The following CSMD3 variants were observed in gnomAD, a reference collection of about 807,000 sequenced individuals.
The protein encoded by CSMD3 is CUB and sushi domain-containing protein 3.
CSMD3 carries 177 observed loss-of-function variants against 435.2 expected under a neutral mutation model. The ratio of observed to expected loss-of-function variants is 0.41; its 90% CI spans 0.36 to 0.46. The LOEUF (loss-of-function observed/expected upper bound fraction) is 0.46. Ranked by LOEUF, CSMD3 falls within the 20% of genes least tolerant of loss-of-function variation. The pLI, the probability that CSMD3 is intolerant of heterozygous loss-of-function variation, is 0.34. For synonymous variants in CSMD3, 1,656 were observed against 1,520.5 expected (o/e 1.09, Z -2.07); for missense variants, 4,265 against 4,504.6 (o/e 0.95, Z 1.52).
intron 2 of CSMD3, among the ~76,000 whole-genome samples, chr8:113,302,217 TATATA>T (rs1280586256): frequency 3.3e-4 from 26 of 79,000 alleles, no homozygotes; most frequent in East Asian, 8.7e-4. Context: ...CTCACCTGTA[TATATA>T]ATATAATATA....
chr8:112,335,293 T>C, intron 45 of CSMD3, 36 bp downstream of exon 45: 2 of 1,598,598 alleles, frequency 1.3e-6, no homozygotes, highest in East Asian at 4.5e-5. Flanking sequence ...AATTAAACAG[T>C]AGCAAATGAA....
chr8:112,242,984 G>A (rs541816523), intron 65 of CSMD3, among the ~76,000 whole-genome samples: 53 of 152,146 alleles, frequency 3.5e-4, no homozygotes, highest in Non-Finnish European at 6.9e-4. Flanking sequence ...TAAAGGAAAT[G>A]GAGAATGGAT....
At chr8:112,953,326 C>A (rs1396048586) in intron 8 of CSMD3, among the ~76,000 whole-genome samples, 1 of 151,204 alleles carries the variant, frequency 6.6e-6, no homozygotes, top group Non-Finnish European at 1.5e-5. Context: ...CTTTTTTTAT[C>A]ATAGAAAATA....
At chr8:112,380,932 A>G (rs1285379466) in intron 37 of CSMD3, among the ~76,000 whole-genome samples, 1 of 152,172 alleles carries the variant, frequency 6.6e-6, no homozygotes, top group Non-Finnish European at 1.5e-5. Context: ...ACTGTGTTAT[A>G]CCAGAGGCTT....
chr8:113,207,903 A>G (rs2092789634), intron 3 of CSMD3, among the ~76,000 whole-genome samples: 1 of 152,086 alleles, frequency 6.6e-6, no homozygotes, highest in African/African-American at 2.4e-5. Flanking sequence ...ATACCTCACA[A>G]CGTGACATCA....
At chr8:113,315,098 C>T (rs898455188) in intron 1 of CSMD3, among the ~76,000 whole-genome samples, 16 of 152,132 alleles carry the variant, frequency 1.1e-4, no homozygotes, top group Non-Finnish European at 2.4e-4. Flanking sequence ...AAACACAATC[C>T]TAGAACACGG....
chr8:112,280,145 CA>C (rs1193022347), intron 59 of CSMD3, among the ~76,000 whole-genome samples: 7 of 152,142 alleles, frequency 4.6e-5, no homozygotes, highest in Non-Finnish European at 1.0e-4. Context: ...ATTTGGTCAG[CA>C]AAAGTATATA....
chr8:112,800,246 T>G lies in CSMD3; in HGVS notation c.1888A>C (p.Ile630Leu). 6.2e-7 allele frequency: 1 copy of G among 1,612,668 alleles called. No homozygotes were observed. The highest frequency in any genetic ancestry group is 8.5e-7 in the Non-Finnish European group (1 of 1,178,916). ...VLTGSFVPDL[I>L]VSMSSQMWLH... The stretch of plus-strand genomic sequence containing the variant: ...CACATTTGGCTACTCATGCTCACTA[T>G]CAAGTCTGGTACAAAGCTTCCAGTC... The change falls in exon 13 of 71, where the codon ATA (isoleucine) becomes CTA (leucine). Residue 630 changes from isoleucine (I) to leucine (L), a missense_variant. Transcript: ENST00000297405.
chr8:112,453,050 T>A (rs74908236), intron 32 of CSMD3, among the ~76,000 whole-genome samples: 1,569 of 152,194 alleles, frequency 0.01, 30 homozygotes, highest in African/African-American at 0.035. Context: ...TGACTCTTGG[T>A]AAAAAGGCAA....
chr8:112,970,831 CCTGCCTCGGCCT>C (rs2084626900), intron 7 of CSMD3, among the ~76,000 whole-genome samples: 1 of 151,832 alleles, frequency 6.6e-6, no homozygotes, highest in African/African-American at 2.4e-5. Context: ...ACGCTATTCT[CCTGCCTCGGCCT>C]CCCGAGTAGC....
intron 6 of CSMD3, among the ~76,000 whole-genome samples, chr8:112,997,685 A>G (rs2085705491): frequency 6.6e-6 from 1 of 151,516 alleles, no homozygotes; most frequent in Admixed American, 6.6e-5. Flanking sequence ...AGATTTTTAA[A>G]AGTTTGATAG....
intron 1 of CSMD3, among the ~76,000 whole-genome samples, chr8:113,328,243 C>T (rs1480516914): frequency 1.3e-5 from 2 of 151,494 alleles, no homozygotes; most frequent in African/African-American, 4.9e-5. Flanking sequence ...TCGAGACCAT[C>T]CCGGCTAAAA....
rs568479417 is a variant in CSMD3 at position 112,238,172 on chromosome 8, A to G, written c.10469-824T>C. On this transcript the variant is annotated intron_variant, in intron 66 of 70. Coordinates refer to ENST00000297405, the MANE Select transcript of CSMD3 (RefSeq NM_198123.2). ...GAAGCTGAGGTATAGGATTAATCCT[A>G]TACCTCACAGCACAGCACATCCCTA... Among the ~76,000 whole-genome samples, 134 of 152,166 alleles carry G rather than the reference A, an allele frequency of 8.8e-4. No individual in the cohort carries two copies. The South Asian group carries it at 0.026, about 30-fold the overall frequency.
intron 27 of CSMD3, among the ~76,000 whole-genome samples, chr8:112,518,663 T>C (rs571847977): frequency 4.7e-5 from 7 of 147,462 alleles, no homozygotes; most frequent in Non-Finnish European, 9.0e-5. Flanking sequence ...AGAGGGAAAC[T>C]TACTCATTAA....
At chr8:112,868,063 A>G (rs1427785394) in intron 10 of CSMD3, among the ~76,000 whole-genome samples, 1 of 151,880 alleles carries the variant, frequency 6.6e-6, no homozygotes, top group African/African-American at 2.4e-5. Flanking sequence ...TTCTATTTTT[A>G]CTTTTATTTT....
chr8:112,793,819 C>T (rs544722322), intron 13 of CSMD3, among the ~76,000 whole-genome samples: 1 of 152,276 alleles, frequency 6.6e-6, no homozygotes, highest in Non-Finnish European at 1.5e-5. Context: ...CCTGTTTACT[C>T]ATTCAGGTAA....
chr8:113,291,876 C>T (rs2093688758), intron 2 of CSMD3, among the ~76,000 whole-genome samples: 2 of 151,646 alleles, frequency 1.3e-5, no homozygotes, highest in Admixed American at 1.3e-4. Context: ...GTGAAAATAA[C>T]AATAAAAGTA....
chr8:112,984,347 C>A (rs2085168808), intron 6 of CSMD3, among the ~76,000 whole-genome samples: 1 of 151,922 alleles, frequency 6.6e-6, no homozygotes, highest in Non-Finnish European at 1.5e-5. Context: ...AAGGTAAGAA[C>A]ACCAAGATAT....
chr8:113,014,979 T>C (rs2086399349), intron 6 of CSMD3, among the ~76,000 whole-genome samples: 1 of 152,184 alleles, frequency 6.6e-6, no homozygotes, highest in African/African-American at 2.4e-5. Flanking sequence ...CAGCAATTAG[T>C]ATCTTTATGA....
Sources: gnomAD v4.1 joint callset for allele counts (sites outside exome capture counted in the v4.1 genomes callset) on GRCh38, gnomAD v4.1.1 for gene constraint, MANE v1.5 for transcripts, NCBI Gene and HGNC (gene_info 2026-07-23, HGNC 2026-07-21) for gene names.